The following PRNP variants were observed in gnomAD, a reference collection of about 807,000 sequenced individuals.
PRNP encodes prion protein (Kanno blood group).
Under a neutral mutation model 21.3 loss-of-function variants are expected in PRNP, and 15 were observed. That is an observed-to-expected ratio of 0.71 (90% CI 0.47 to 1.09). PRNP has a LOEUF of 1.09. Among genes scored for constraint, PRNP ranks in the 50% least tolerant of loss-of-function variants. The probability of loss-of-function intolerance (pLI) is 0.00; values close to 1 mark genes in which losing one functional copy is unlikely to be tolerated. For missense variants in PRNP, 285 were observed against 340.9 expected (o/e 0.84, Z 1.29); for synonymous variants, 121 against 123.1 (o/e 0.98, Z 0.11).
At chr20:4,690,893 G>T (rs1295373049) in intron 1 of PRNP, among the ~76,000 whole-genome samples, 1 of 152,150 alleles carries the variant, frequency 6.6e-6, no homozygotes, top group Non-Finnish European at 1.5e-5. Context: ...CCTATTTGGA[G>T]ACGACATGAT....
In PRNP at chr20:4,699,217, C is replaced by T. The variant is rs779912247; in HGVS notation, c.-4C>T. 1 of 1,613,994 alleles carries T rather than the reference C, an allele frequency of 6.2e-7. No individual in the cohort carries two copies. Among genetic ancestry groups the T allele is most frequent in the Non-Finnish European group, 8.5e-7 (1 of 1,180,044 alleles). ...TCTCCTCTTCATTTTGCAGAGCAGTCATTATGGCGAACCTTGGCTGCTGGA... is the reference window on the plus strand; with the variant it reads ...TCTCCTCTTCATTTTGCAGAGCAGTTATTATGGCGAACCTTGGCTGCTGGA... On this transcript the variant is annotated 5_prime_UTR_variant, in exon 2 of 2. Transcript: ENST00000379440. This position sits in a 1 kb window ranked among gnomAD's most constrained non-coding sequence, Gnocchi z 5.8.
chr20:4,697,022 C>T lies in PRNP; in HGVS notation c.-10-2189C>T, dbSNP rs1568532759. 6.6e-6 allele frequency among the ~76,000 whole-genome samples: 1 copy of T among 152,224 alleles called. No individual in the cohort carries two copies. Among genetic ancestry groups the T allele is most frequent in the Admixed American group, 6.5e-5 (1 of 15,288 alleles). On this transcript the variant is annotated intron_variant, in intron 1 of 1. Transcript: ENST00000379440. The surrounding 1 kb of genome is among the most constrained non-coding windows in gnomAD (Gnocchi z 4.6). ...CCGACTCAGTGTCATTCCCTGCAGT[C>T]TCCTCTTCCTCCCATCTTACCCATT... is the stretch of plus-strand genomic sequence containing the variant.
chr20:4,688,456 A>G (rs140620027), intron 1 of PRNP, among the ~76,000 whole-genome samples: 2 of 152,332 alleles, frequency 1.3e-5, no homozygotes, highest in Admixed American at 6.5e-5. Flanking sequence ...ACCAGTGACA[A>G]ACATTTTGTT....
chr20:4,689,207 A>G (rs1280699616), intron 1 of PRNP, among the ~76,000 whole-genome samples: 1 of 152,190 alleles, frequency 6.6e-6, no homozygotes, highest in African/African-American at 2.4e-5. Context: ...CTGGAGGCAC[A>G]AATCTAGTTT....
At chr20:4,696,717 A>G (rs1922193360) in intron 1 of PRNP, among the ~76,000 whole-genome samples, 2 of 152,202 alleles carry the variant, frequency 1.3e-5, no homozygotes, top group Admixed American at 6.5e-5. Context: ...GGTATTGACC[A>G]TTACCATATA....
At chr20:4,688,558 A>G (rs1254777570) in intron 1 of PRNP, among the ~76,000 whole-genome samples, 1 of 152,240 alleles carries the variant, frequency 6.6e-6, no homozygotes, top group Non-Finnish European at 1.5e-5. Flanking sequence ...ACAAACAAAC[A>G]AAAACAGGCA....
Position 4,700,675 on chromosome 20 carries a change from A to G in PRNP, c.*693A>G, listed in dbSNP as rs955996614. The G allele has an allele frequency of 3.5e-5, 6 of 172,676 alleles. No individual in the cohort carries two copies. The highest frequency in any genetic ancestry group is 1.4e-4 in the African/African-American group (6 of 41,502). 10.7% of individuals were successfully genotyped at this position (172,676 alleles called of 1,614,324 possible). A position where few individuals can be genotyped will look rare whatever the true frequency, so the allele number is the denominator to read the frequency against. On this transcript the variant is annotated 3_prime_UTR_variant, in exon 2 of 2. Transcript: ENST00000379440. This position sits in a 1 kb window ranked among gnomAD's most constrained non-coding sequence, Gnocchi z 4.1. ...TATTCACAGTGAACATAACTGTAAC[A>G]TATATGAAAGGCTTCTGGGACTTGA...
intron 1 of PRNP, among the ~76,000 whole-genome samples, chr20:4,689,032 C>A (rs925943362): frequency 2.6e-5 from 4 of 152,132 alleles, no homozygotes; most frequent in Middle Eastern, 3.4e-3. Flanking sequence ...AATATTTTTC[C>A]ATTTTTTTAG....
chr20:4,696,273 C>A (rs1352892569), intron 1 of PRNP, among the ~76,000 whole-genome samples: 1 of 152,184 alleles, frequency 6.6e-6, no homozygotes, highest in Non-Finnish European at 1.5e-5. Flanking sequence ...CCATCAAGAC[C>A]ATGGAATGCC....
At chr20:4,687,782 C>T (rs1006290078) in intron 1 of PRNP, among the ~76,000 whole-genome samples, 1 of 152,092 alleles carries the variant, frequency 6.6e-6, no homozygotes, top group African/African-American at 2.4e-5. Context: ...ATTAGCAGTT[C>T]CCCATATGAT....
chr20:4,701,349 T>G lies in PRNP; in HGVS notation c.*1367T>G, dbSNP rs559655202. ...CATCTGAAGTGTCTAATGCATTAAC[T>G]TTTGTAAGGTACTGAATACTTAATA... On this transcript the variant is annotated 3_prime_UTR_variant, in exon 2 of 2. Transcript: ENST00000379440. The surrounding 1 kb of genome is among the most constrained non-coding windows in gnomAD (Gnocchi z 4.2). The G allele has an allele frequency of 2.3e-4, 38 of 167,200 alleles. No homozygotes were observed. The highest frequency in any genetic ancestry group is 8.2e-4 in the African/African-American group (34 of 41,566). The allele number at this position is 167,200 out of a possible 1,614,324, so 10.4% of individuals were successfully genotyped here. A position where few individuals can be genotyped will look rare whatever the true frequency, so the allele number is the denominator to read the frequency against.
At position 4,700,271 on chromosome 20, in the gene PRNP, G is replaced by A. The variant is rs1426304621; in HGVS notation, c.*289G>A. ...TAATCTGGACTTATTTTTGGACTTA[G>A]TGCAACAGGTTGAGGCTAAAACAAA... On this transcript the variant is annotated 3_prime_UTR_variant, in exon 2 of 2. Coordinates refer to ENST00000379440, the MANE Select transcript of PRNP (RefSeq NM_000311.5). The surrounding 1 kb of genome is among the most constrained non-coding windows in gnomAD (Gnocchi z 4.1). The A allele has an allele frequency of 3.4e-6, 3 of 876,770 alleles. No homozygotes were observed. Among genetic ancestry groups the A allele is most frequent in the Non-Finnish European group, 5.3e-6 (3 of 569,226 alleles). 54.3% of individuals were successfully genotyped at this position (876,770 alleles called of 1,614,324 possible). A position where few individuals can be genotyped will look rare whatever the true frequency, so the allele number is the denominator to read the frequency against.
intron 1 of PRNP, among the ~76,000 whole-genome samples, chr20:4,692,388 G>A (rs2025112): frequency 0.049 from 7,417 of 152,222 alleles, 201 homozygotes; most frequent in Admixed American, 0.085. Context: ...TTGAGCTCAT[G>A]TATTTATTCT....
Position 4,687,274 on chromosome 20 carries a change from T to C in PRNP, c.-11+762T>C, listed in dbSNP as rs1001546486. ...GCCTCGGGCCTCGGCGGGGGCGGGG[T>C]CCGGGGAGGCCCCACCCTCTGTTCT... is the stretch of plus-strand genomic sequence containing the variant. On this transcript the variant is annotated intron_variant, in intron 1 of 1. Coordinates refer to ENST00000379440, the MANE Select transcript of PRNP (RefSeq NM_000311.5). 4.6e-5 allele frequency among the ~76,000 whole-genome samples: 7 copies of C among 151,076 alleles called. 1 individual carries two copies. The South Asian group carries it at 1.5e-3, about 32-fold the overall frequency.
At chr20:4,687,052 G>T (rs1252372478) in intron 1 of PRNP, among the ~76,000 whole-genome samples, 6 of 152,076 alleles carry the variant, frequency 3.9e-5, no homozygotes, top group African/African-American at 1.4e-4. Context: ...AGGGTGCTTG[G>T]GGGGATGGAG....
intron 1 of PRNP, among the ~76,000 whole-genome samples, chr20:4,694,083 GA>G (rs987288768): frequency 7.9e-4 from 55 of 69,376 alleles, no homozygotes; most frequent in Non-Finnish European, 7.7e-4. Context: ...CCTGTCTCAA[GA>G]AAAAAAAAAA....
At chr20:4,696,031 G>A (rs114062709) in intron 1 of PRNP, among the ~76,000 whole-genome samples, 2,933 of 152,070 alleles carry the variant, frequency 0.019, 99 homozygotes, top group African/African-American at 0.066. Context: ...GAGCTTTACC[G>A]TCCAGTCTTC....
chr20:4,687,933 A>C (rs921442994), intron 1 of PRNP, among the ~76,000 whole-genome samples: 9 of 152,218 alleles, frequency 5.9e-5, no homozygotes, highest in Non-Finnish European at 8.8e-5. Flanking sequence ...ACGCTCTTAG[A>C]TTTGTAGAAG....
rs937780870 is a variant in PRNP at position 4,699,056 on chromosome 20, G to T, written c.-10-155G>T. 6.6e-6 allele frequency among the ~76,000 whole-genome samples: 1 copy of T among 152,144 alleles called. No individual in the cohort carries two copies. Among genetic ancestry groups the T allele is most frequent in the Admixed American group, 6.5e-5 (1 of 15,272 alleles). On this transcript the variant is annotated intron_variant, in intron 1 of 1. Coordinates refer to ENST00000379440, the MANE Select transcript of PRNP (RefSeq NM_000311.5). The surrounding 1 kb of genome is among the most constrained non-coding windows in gnomAD (Gnocchi z 5.8). ...TTGTGTTCACCCTTTTCTTACTTTT[G>T]CTTTTGTCCTAAGTGCTTCAGAGAA...
Sources: allele counts gnomAD v4.1 joint callset (sites outside exome capture counted in the v4.1 genomes callset), GRCh38; gene constraint gnomAD v4.1.1; non-coding constraint Gnocchi (gnomAD v3.1); transcripts MANE v1.5; gene names NCBI Gene and HGNC (gene_info 2026-07-23, HGNC 2026-07-21).